REL: variants seen among roughly 807,000 people sequenced by gnomAD.
The protein encoded by REL is proto-oncogene c-Rel.
In REL, 15 loss-of-function variants were observed where a neutral mutation model predicts 45.9. That is an observed-to-expected ratio of 0.33 (90% CI 0.22 to 0.50). REL has a LOEUF of 0.50. Among genes scored for constraint, REL ranks in the 20% least tolerant of loss-of-function variants. The pLI is 0.98. For synonymous variants in REL, 239 were observed against 242.1 expected (o/e 0.99, Z 0.12); for missense variants, 601 against 715.2 (o/e 0.84, Z 1.82).
chr2:60,906,843 ATGTG>A (rs1245381817), intron 4 of REL, among the ~76,000 whole-genome samples: 1 of 133,610 alleles, frequency 7.5e-6, no homozygotes, highest in African/African-American at 2.6e-5. Flanking sequence ...GTATATATAT[ATGTG>A]TGTGTATGTA....
chr2:60,903,238 C>G (rs953582579), intron 4 of REL, among the ~76,000 whole-genome samples: 3 of 152,286 alleles, frequency 2.0e-5, no homozygotes, highest in East Asian at 1.9e-4. Context: ...AAGAGAATGC[C>G]AAGACTTTTG....
chr2:60,921,037 T>TTCCAACAGAGGCTGTATATAGC (rs1674127010), intron 9 of REL, among the ~76,000 whole-genome samples: 1 of 152,120 alleles, frequency 6.6e-6, no homozygotes, highest in African/African-American at 2.4e-5. Context: ...GGTTGAATAG[T>TTCCAACAGAGGCTGTATATAGC]TCCAACAGAG....
chr2:60,904,011 AGTT>A (rs749888330), intron 4 of REL, among the ~76,000 whole-genome samples: 4 of 152,218 alleles, frequency 2.6e-5, no homozygotes, highest in African/African-American at 4.8e-5. Context: ...CAATTAAAAT[AGTT>A]GTTGGTAGAT....
At chr2:60,905,270 AT>A (rs1484149355) in intron 4 of REL, among the ~76,000 whole-genome samples, 3 of 151,732 alleles carry the variant, frequency 2.0e-5, no homozygotes, top group Non-Finnish European at 4.4e-5. Context: ...AATTTTTTGT[AT>A]TTTTAGTAGA....
intron 1 of REL, among the ~76,000 whole-genome samples, chr2:60,887,795 A>T (rs1673106076): frequency 6.6e-6 from 1 of 151,778 alleles, no homozygotes; most frequent in Admixed American, 6.6e-5. Context: ...GATAACTGAT[A>T]TTTATGTAAT....
At chr2:60,892,478 G>A (rs1417508887) in intron 2 of REL, among the ~76,000 whole-genome samples, 1 of 152,104 alleles carries the variant, frequency 6.6e-6, no homozygotes, top group Non-Finnish European at 1.5e-5. Context: ...GCCCAGGCTG[G>A]AGTGCAATGT....
chr2:60,925,354 A>G lies in REL; in HGVS notation c.*2819A>G, dbSNP rs1052135240. 1 of 191,568 alleles carries G rather than the reference A, an allele frequency of 5.2e-6. No individual in the cohort carries two copies. The highest frequency in any genetic ancestry group is 1.1e-5 in the Non-Finnish European group (1 of 91,326). The allele number at this position is 191,568 out of a possible 1,614,324, so 11.9% of individuals were successfully genotyped here. A position where few individuals can be genotyped will look rare whatever the true frequency, so the allele number is the denominator to read the frequency against. ...ATACTGGGAAATAGGGAAGACAGCA[A>G]AGTGAGACTTGGGCTCAGGATGGTT... On this transcript the variant is annotated 3_prime_UTR_variant, in exon 10 of 10. Coordinates refer to ENST00000394479, the MANE Select transcript of REL (RefSeq NM_001291746.2).
chr2:60,918,705 A>G, intron 7 of REL, 99 bp downstream of exon 7: 1 of 808,448 alleles, frequency 1.2e-6, no homozygotes, highest in South Asian at 1.7e-5. Flanking sequence ...ATGTATATTC[A>G]TAATTTATGT....
chr2:60,903,029 G>T (rs1421249937), intron 4 of REL, among the ~76,000 whole-genome samples: 1 of 152,210 alleles, frequency 6.6e-6, no homozygotes, highest in Non-Finnish European at 1.5e-5. Context: ...TCAAGAGTAT[G>T]CTCATTTAAA....
Position 60,920,202 on chromosome 2 carries a change from G to C in REL, c.922+93G>C, listed in dbSNP as rs150314739. 845 of 1,091,394 alleles carry C rather than the reference G, an allele frequency of 7.7e-4. 8 individuals carry two copies. In the African/African-American group the frequency reaches 0.012, roughly 15 times the overall value. The allele number at this position is 1,091,394 out of a possible 1,614,324, so 67.6% of individuals were successfully genotyped here. Reference sequence around the variant, plus strand: ...AATTTTATTATTTTTGTTTTGTTTTGTTGTTTGTTTGTTTTTTGAGATAGC... The same window carrying C: ...AATTTTATTATTTTTGTTTTGTTTTCTTGTTTGTTTGTTTTTTGAGATAGC... On this transcript the variant is annotated intron_variant, in intron 8 of 9. Coordinates refer to ENST00000394479, the MANE Select transcript of REL (RefSeq NM_001291746.2).
At chr2:60,884,333 G>A (rs1673019101) in intron 1 of REL, among the ~76,000 whole-genome samples, 1 of 151,956 alleles carries the variant, frequency 6.6e-6, no homozygotes, top group South Asian at 2.1e-4. Flanking sequence ...AATTATGTAA[G>A]TTAGAATGTA....
chr2:60,904,078 T>G (rs1226282020), intron 4 of REL, among the ~76,000 whole-genome samples: 1 of 152,114 alleles, frequency 6.6e-6, no homozygotes, highest in Non-Finnish European at 1.5e-5. Flanking sequence ...GCCTACGAAA[T>G]AGGTACTATT....
intron 4 of REL, 128 bp downstream of exon 4, chr2:60,901,211 A>C: frequency 8.5e-7 from 1 of 1,182,020 alleles, no homozygotes; most frequent in Non-Finnish European, 1.1e-6. Flanking sequence ...GCTGGAGTGC[A>C]ATGGCGCGAT....
At chr2:60,884,614 C>G (rs969323920) in intron 1 of REL, among the ~76,000 whole-genome samples, 2 of 151,968 alleles carry the variant, frequency 1.3e-5, no homozygotes, top group African/African-American at 4.8e-5. Flanking sequence ...TGAATTTAAA[C>G]CTTCTCATTG....
chr2:60,882,914 A>T (rs760307267), intron 1 of REL, among the ~76,000 whole-genome samples: 1 of 152,340 alleles, frequency 6.6e-6, no homozygotes, highest in South Asian at 2.1e-4. Flanking sequence ...ATAAGTTTGT[A>T]AGAAACATTG....
intron 4 of REL, among the ~76,000 whole-genome samples, chr2:60,915,778 T>C (rs894744380): frequency 6.6e-6 from 1 of 152,240 alleles, no homozygotes; most frequent in South Asian, 2.1e-4. Context: ...GGATTTCTGG[T>C]TCAAATACTA....
rs778021781 is a variant in REL at position 60,922,316 on chromosome 2, C to T, written c.1545C>T (p.Gly515=). ...HQMSSSSMSA[G]ANSNTTVFVS... ...TGTCCTCTTCCAGTATGTCAGCAGGCGCCAATTCCAATACTACTGTTTTTG... is the reference window on the plus strand; with the variant it reads ...TGTCCTCTTCCAGTATGTCAGCAGGTGCCAATTCCAATACTACTGTTTTTG... The change falls in exon 10 of 10, where the codon GGC becomes GGT. Residue 515 remains glycine (G), a synonymous_variant. Transcript: ENST00000394479. The T allele has an allele frequency of 5.4e-5, 87 of 1,613,932 alleles. No homozygotes were observed. Among genetic ancestry groups the T allele is most frequent in the Non-Finnish European group, 6.6e-5 (78 of 1,179,996 alleles).
At chr2:60,886,792 T>C (rs556135820) in intron 1 of REL, among the ~76,000 whole-genome samples, 1 of 152,310 alleles carries the variant, frequency 6.6e-6, no homozygotes, top group African/African-American at 2.4e-5. Context: ...ATAGGCACTA[T>C]GTTTTAAAAT....
At position 60,927,106 on chromosome 2, in the gene REL, C is replaced by T. The variant is rs966215816; in HGVS notation, c.*4571C>T. 47 of 226,128 alleles carry T rather than the reference C, an allele frequency of 2.1e-4. No homozygotes were observed. Among genetic ancestry groups the T allele is most frequent in the Middle Eastern group, 1.3e-3 (1 of 774 alleles). The allele number at this position is 226,128 out of a possible 1,614,324, so 14.0% of individuals were successfully genotyped here. ...TGAAGCTTTGTACATGCCTGTATTACGGACATCCTCTTATTTAAGTGTTTG... is the reference window on the plus strand; with the variant it reads ...TGAAGCTTTGTACATGCCTGTATTATGGACATCCTCTTATTTAAGTGTTTG... On this transcript the variant is annotated 3_prime_UTR_variant, in exon 10 of 10. Transcript: ENST00000394479.
Sources: gnomAD v4.1 joint callset for allele counts (sites outside exome capture counted in the v4.1 genomes callset) on GRCh38, gnomAD v4.1.1 for gene constraint, MANE v1.5 for transcripts, NCBI Gene and HGNC (gene_info 2026-07-23, HGNC 2026-07-21) for gene names.